ADAMTS12: variants seen among roughly 807,000 people sequenced by gnomAD.
ADAMTS12 encodes the protein A disintegrin and metalloproteinase with thrombospondin motifs 12.
ADAMTS12 carries 118 observed loss-of-function variants against 167.8 expected under a neutral mutation model. That is an observed-to-expected ratio of 0.70 (90% CI 0.61 to 0.82). The LOEUF is 0.82. Ranked by LOEUF, ADAMTS12 falls within the 40% of genes least tolerant of loss-of-function variation. The pLI is 0.00. For synonymous variants in ADAMTS12, 704 were observed against 716.9 expected (o/e 0.98, Z 0.29); for missense variants, 1,916 against 1,998.8 (o/e 0.96, Z 0.79).
intron 2 of ADAMTS12, among the ~76,000 whole-genome samples, chr5:33,779,223 T>C (rs2097324311): frequency 6.7e-6 from 1 of 149,918 alleles, no homozygotes; most frequent in Admixed American, 6.7e-5. Context: ...TCTTGCTTTG[T>C]TGCCCAGGCT....
intron 7 of ADAMTS12, among the ~76,000 whole-genome samples, chr5:33,657,725 T>C (rs1241904290): frequency 6.6e-6 from 1 of 152,176 alleles, no homozygotes; most frequent in Non-Finnish European, 1.5e-5. Context: ...GGACTAACAG[T>C]ACCATCTATT....
chr5:33,753,083 T>G (rs1745050959), intron 2 of ADAMTS12, among the ~76,000 whole-genome samples: 1 of 152,214 alleles, frequency 6.6e-6, no homozygotes, highest in Non-Finnish European at 1.5e-5. Context: ...TCATGCAAAC[T>G]TTTTGAGGCA....
chr5:33,577,028 G>T lies in ADAMTS12; in HGVS notation c.2998C>A (p.Arg1000=). 3 of 1,614,142 alleles carry T rather than the reference G, an allele frequency of 1.9e-6. No individual in the cohort carries two copies. Among genetic ancestry groups the T allele is most frequent in the Non-Finnish European group, 2.5e-6 (3 of 1,180,020 alleles). ...LCGLQQCPSS[R]RVLKPNKGTI... The stretch of plus-strand genomic sequence containing the variant: ...CCTTTGTTTGGTTTCAGAACTCTCC[G>T]GCTAGAAGGGCATTGCTGGAGGCCA... The change falls in exon 19 of 24, where the codon CGG becomes AGG. Residue 1000 remains arginine (R), a synonymous_variant. Transcript: ENST00000504830.
intron 3 of ADAMTS12, among the ~76,000 whole-genome samples, chr5:33,732,516 A>G (rs1051953454): frequency 6.6e-6 from 1 of 152,238 alleles, no homozygotes; most frequent in Non-Finnish European, 1.5e-5. Context: ...ATTCTTAAAG[A>G]AGAATTATCA....
At chr5:33,757,171 G>C (rs1388789980) in intron 2 of ADAMTS12, among the ~76,000 whole-genome samples, 3 of 152,128 alleles carry the variant, frequency 2.0e-5, no homozygotes, top group Non-Finnish European at 4.4e-5. Flanking sequence ...AAAAGCAAAT[G>C]AACTGCAAAA....
At chr5:33,796,440 CATTTT>C (rs1561276835) in intron 2 of ADAMTS12, among the ~76,000 whole-genome samples, 1 of 152,206 alleles carries the variant, frequency 6.6e-6, no homozygotes, top group African/African-American at 2.4e-5. Flanking sequence ...TCATACATTT[CATTTT>C]AAAATTATGT....
At chr5:33,861,059 T>G (rs1749597269) in intron 2 of ADAMTS12, among the ~76,000 whole-genome samples, 1 of 152,088 alleles carries the variant, frequency 6.6e-6, no homozygotes, top group African/African-American at 2.4e-5. Flanking sequence ...GAAAAACCGG[T>G]GTCAGCCACA....
chr5:33,533,563 A>G (rs1200598750), intron 23 of ADAMTS12, among the ~76,000 whole-genome samples: 1 of 152,214 alleles, frequency 6.6e-6, no homozygotes, highest in East Asian at 1.9e-4. Context: ...TCTGGAAGAC[A>G]TGAATAACAC....
intron 20 of ADAMTS12, among the ~76,000 whole-genome samples, chr5:33,555,129 A>G (rs771298204): frequency 6.6e-6 from 1 of 152,272 alleles, no homozygotes; most frequent in Admixed American, 6.5e-5. Context: ...ATCAGTGAGG[A>G]AGTGTGTGGA....
chr5:33,589,495 A>T (rs935340660), intron 17 of ADAMTS12, among the ~76,000 whole-genome samples: 2 of 152,214 alleles, frequency 1.3e-5, no homozygotes, highest in African/African-American at 4.8e-5. Flanking sequence ...AAAAAGAATA[A>T]ACATAAATAA....
At chr5:33,830,173 G>A (rs1171824169) in intron 2 of ADAMTS12, among the ~76,000 whole-genome samples, 1 of 152,142 alleles carries the variant, frequency 6.6e-6, no homozygotes, top group Non-Finnish European at 1.5e-5. Context: ...AGAAATAAAG[G>A]ATCCATGAAG....
In ADAMTS12 at chr5:33,649,712, C is replaced by A. The variant is rs1208850579; in HGVS notation, c.1191-15G>T. ...GGATGCCGAAGCTGGCAGGGAAGAA[C>A]CAAGCACAAGAAGAGCCAGCAGGCA... On this transcript the variant is annotated splice_polypyrimidine_tract_variant and intron_variant, in intron 7 of 23. Transcript: ENST00000504830. The A allele has an allele frequency of 6.2e-7, 1 of 1,612,716 alleles. No homozygotes were observed. The highest frequency in any genetic ancestry group is 2.2e-5 in the East Asian group (1 of 44,810).
At chr5:33,787,178 A>G (rs1415657103) in intron 2 of ADAMTS12, among the ~76,000 whole-genome samples, 1 of 149,324 alleles carries the variant, frequency 6.7e-6, no homozygotes, top group Non-Finnish European at 1.5e-5. Flanking sequence ...AGGAAATATG[A>G]AAAAAAAAAG....
chr5:33,652,045 T>G (rs1579801357), intron 7 of ADAMTS12, among the ~76,000 whole-genome samples: 1 of 152,266 alleles, frequency 6.6e-6, no homozygotes, highest in East Asian at 1.9e-4. Context: ...ATCTGTTGGT[T>G]GATTCCTGAC....
Position 33,751,494 on chromosome 5 carries a change from G to A in ADAMTS12, c.544C>T (p.His182Tyr). 1 of 1,614,080 alleles carries A rather than the reference G, an allele frequency of 6.2e-7. No individual in the cohort carries two copies. The highest frequency in any genetic ancestry group is 8.5e-7 in the Non-Finnish European group (1 of 1,179,996). The change falls in exon 3 of 24, where the codon CAT (histidine) becomes TAT (tyrosine). Residue 182 changes from histidine (H) to tyrosine (Y), a missense_variant. By Grantham distance (83) the His-to-Tyr change is moderately conservative. Transcript: ENST00000504830. ...TGGTACCCTCCCTCAACCAGTGGAT[G>A]CTTCTTCACGGGTTCAATGAAAAAG... is the stretch of plus-strand genomic sequence containing the variant. ...GDFFIEPVKKHPLVEGGYHPH... is the reference protein window; with the variant it reads ...GDFFIEPVKKYPLVEGGYHPH...
At chr5:33,675,111 G>A (rs149125970) in intron 5 of ADAMTS12, among the ~76,000 whole-genome samples, 182 of 152,228 alleles carry the variant, frequency 1.2e-3, no homozygotes, top group Middle Eastern at 0.01. Context: ...CTTCCCAGTC[G>A]CCAGAACTAT....
At chr5:33,792,444 C>T (rs1746613554) in intron 2 of ADAMTS12, among the ~76,000 whole-genome samples, 1 of 152,228 alleles carries the variant, frequency 6.6e-6, no homozygotes, top group African/African-American at 2.4e-5. Context: ...GACTAAAATT[C>T]TGTCTGAAAA....
chr5:33,728,793 C>T (rs1744073787), intron 3 of ADAMTS12, among the ~76,000 whole-genome samples: 1 of 152,214 alleles, frequency 6.6e-6, no homozygotes, highest in Admixed American at 6.5e-5. Context: ...AAACGACTAA[C>T]CAGTAATGTC....
chr5:33,539,855 C>T (rs1054093131), intron 22 of ADAMTS12, among the ~76,000 whole-genome samples: 2 of 124,280 alleles, frequency 1.6e-5, no homozygotes, highest in African/African-American at 6.1e-5. Flanking sequence ...ATAGGAAGAG[C>T]TCTGGTCTGC....
Sources: gnomAD v4.1 joint callset for allele counts (sites outside exome capture counted in the v4.1 genomes callset) on GRCh38, gnomAD v4.1.1 for gene constraint, MANE v1.5 for transcripts, NCBI Gene and HGNC (gene_info 2026-07-23, HGNC 2026-07-21) for gene names.